The following CTNND2 variants were observed in gnomAD, a reference collection of about 807,000 sequenced individuals.
The protein encoded by CTNND2 is catenin delta 2, also known as catenin delta-2.
CTNND2 carries 22 observed loss-of-function variants against 144.4 expected under a neutral mutation model. That is an observed-to-expected ratio of 0.15 (90% CI 0.11 to 0.22). The LOEUF is 0.22. Among genes scored for constraint, CTNND2 ranks in the 10% least tolerant of loss-of-function variants. The probability of loss-of-function intolerance (pLI) is 1.00; values close to 1 mark genes in which losing one functional copy is unlikely to be tolerated. For missense variants in CTNND2, 1,353 were observed against 1,618.8 expected, an observed-to-expected ratio of 0.84 and a Z score of 2.82; for synonymous variants, 751 against 695.6, an observed-to-expected ratio of 1.08 and a Z score of -1.25.
intron 11 of CTNND2, among the ~76,000 whole-genome samples, chr5:11,195,610 T>C (rs40291): frequency 0.52 from 78,523 of 152,124 alleles, 21,525 homozygotes; most frequent in African/African-American, 0.71. Context: ...ATCAGACGGA[T>C]GGACACTGTG....
intron 16 of CTNND2, among the ~76,000 whole-genome samples, chr5:11,050,112 A>G (rs1254466953): frequency 6.6e-6 from 1 of 152,214 alleles, no homozygotes; most frequent in East Asian, 1.9e-4. Flanking sequence ...ATGGAATTTT[A>G]ACTGGATGCT....
At chr5:11,694,164 G>A (rs1036057598) in intron 2 of CTNND2, among the ~76,000 whole-genome samples, 10 of 152,058 alleles carry the variant, frequency 6.6e-5, no homozygotes, top group South Asian at 2.1e-4. Flanking sequence ...GGCCAGGCGC[G>A]GTGGCTCATG....
intron 10 of CTNND2, among the ~76,000 whole-genome samples, chr5:11,210,180 T>G (rs938148653): frequency 6.6e-6 from 1 of 151,932 alleles, no homozygotes. Context: ...GCAGATCACT[T>G]GAGGTCAGGA....
At chr5:11,807,700 C>T (rs2126901012) in intron 1 of CTNND2, among the ~76,000 whole-genome samples, 1 of 152,248 alleles carries the variant, frequency 6.6e-6, no homozygotes, top group South Asian at 2.1e-4. Context: ...TGTGTACTTC[C>T]TCTCAGAAGT....
intron 9 of CTNND2, among the ~76,000 whole-genome samples, chr5:11,326,697 G>A (rs906276736): frequency 2.6e-5 from 4 of 152,152 alleles, no homozygotes; most frequent in African/African-American, 7.2e-5. Context: ...AGGTAAGGGT[G>A]CCAAACTGCA....
intron 1 of CTNND2, among the ~76,000 whole-genome samples, chr5:11,889,013 G>C (rs897240433): frequency 1.3e-5 from 2 of 152,044 alleles, no homozygotes; most frequent in African/African-American, 4.8e-5. Context: ...GCTTCTCAAA[G>C]TGCTGTGATT....
intron 12 of CTNND2, among the ~76,000 whole-genome samples, chr5:11,153,969 A>C (rs991801857): frequency 1.3e-5 from 2 of 150,974 alleles, no homozygotes; most frequent in African/African-American, 5.0e-5. Context: ...AAAGGTAAAA[A>C]AGTATGCTCT....
intron 2 of CTNND2, among the ~76,000 whole-genome samples, chr5:11,723,898 T>C (rs1039587037): frequency 2.6e-5 from 4 of 151,904 alleles, no homozygotes; most frequent in Non-Finnish European, 5.9e-5. Context: ...CTACTAAAGA[T>C]ACAAAAAATT....
At chr5:11,216,449 T>C (rs1409840571) in intron 10 of CTNND2, among the ~76,000 whole-genome samples, 1 of 152,152 alleles carries the variant, frequency 6.6e-6, no homozygotes, top group Non-Finnish European at 1.5e-5. Context: ...AACAACAGTG[T>C]GAGACAGACT....
At chr5:11,092,734 A>G (rs1043644468) in intron 15 of CTNND2, among the ~76,000 whole-genome samples, 4 of 152,370 alleles carry the variant, frequency 2.6e-5, no homozygotes, top group African/African-American at 9.6e-5. Context: ...TATTTTCATC[A>G]CAGTCTTTCA....
intron 3 of CTNND2, chr5:11,508,589 G>A (rs1205432341): frequency 6.6e-6 from 1 of 152,008 alleles, no homozygotes; most frequent in Non-Finnish European, 1.5e-5. Context: ...AAAATACTTG[G>A]GGTTAGAAAA....
chr5:11,536,230 T>C (rs950780198), intron 3 of CTNND2, among the ~76,000 whole-genome samples: 1 of 151,942 alleles, frequency 6.6e-6, no homozygotes, highest in South Asian at 2.1e-4. Flanking sequence ...ATTCAGCTGA[T>C]TTTTTTATTT....
chr5:11,586,421 T>G (rs1778866414), intron 2 of CTNND2, among the ~76,000 whole-genome samples: 1 of 152,316 alleles, frequency 6.6e-6, no homozygotes, highest in Admixed American at 6.5e-5. Context: ...AAACATTTGT[T>G]GAATACAAGA....
At chr5:11,528,164 A>G (rs1466624269) in intron 3 of CTNND2, among the ~76,000 whole-genome samples, 1 of 152,210 alleles carries the variant, frequency 6.6e-6, no homozygotes, top group African/African-American at 2.4e-5. Flanking sequence ...GAATGAACAT[A>G]TTGTTACTAC....
At chr5:11,344,369 G>A (rs1366112779) in intron 9 of CTNND2, among the ~76,000 whole-genome samples, 5 of 151,118 alleles carry the variant, frequency 3.3e-5, no homozygotes, top group African/African-American at 1.2e-4. Flanking sequence ...TCCAGCCTGG[G>A]CGACAAAACG....
intron 14 of CTNND2, among the ~76,000 whole-genome samples, chr5:11,102,144 C>A (rs1406083988): frequency 6.6e-6 from 1 of 152,116 alleles, no homozygotes; most frequent in African/African-American, 2.4e-5. Context: ...CAATTCTGTG[C>A]AACATGTTAA....
At chr5:11,184,402 C>A (rs1735410365) in intron 11 of CTNND2, among the ~76,000 whole-genome samples, 1 of 152,172 alleles carries the variant, frequency 6.6e-6, no homozygotes, top group Non-Finnish European at 1.5e-5. Context: ...AGGTATGCCA[C>A]TTGAAAACAG....
chr5:11,256,037 C>T (rs1744202700), intron 9 of CTNND2, among the ~76,000 whole-genome samples: 2 of 152,212 alleles, frequency 1.3e-5, no homozygotes, highest in Admixed American at 6.5e-5. Context: ...CCACTGCCTC[C>T]TCCCTGGCTA....
At position 11,790,832 on chromosome 5, in the gene CTNND2, C is replaced by T. The variant is rs115304969; in HGVS notation, c.38-58560G>A. Among the ~76,000 whole-genome samples, 207 of 152,272 alleles carry T rather than the reference C, an allele frequency of 1.4e-3. 3 individuals carry two copies. Among genetic ancestry groups the T allele is most frequent in the African/African-American group, 4.3e-3 (180 of 41,562 alleles). ...ACCATGTGGTAGGGTCAGGAGCCCA[C>T]ATAGCAATTGTCACAGAATGAATGG... is the stretch of plus-strand genomic sequence containing the variant. On this transcript the variant is annotated intron_variant, in intron 1 of 21. Transcript: ENST00000304623.
Sources: allele counts gnomAD v4.1 joint callset (sites outside exome capture counted in the v4.1 genomes callset), GRCh38; gene constraint gnomAD v4.1.1; transcripts MANE v1.5; gene names NCBI Gene and HGNC (gene_info 2026-07-23, HGNC 2026-07-21).